The following MINDY3 variants were observed in gnomAD, a reference collection of about 807,000 sequenced individuals.
The protein encoded by MINDY3 is MINDY lysine 48 deubiquitinase 3.
MINDY3 carries 38 observed loss-of-function variants against 69.2 expected under a neutral mutation model. That is an observed-to-expected ratio of 0.55 (90% CI 0.42 to 0.72). MINDY3 has a LOEUF of 0.72. Among genes scored for constraint, MINDY3 ranks in the 30% least tolerant of loss-of-function variants. The probability of loss-of-function intolerance (pLI) is 0.00; values close to 1 mark genes in which losing one functional copy is unlikely to be tolerated. For missense variants in MINDY3, 522 were observed against 519.0 expected, an observed-to-expected ratio of 1.01 and a Z score of -0.06; for synonymous variants, 192 against 180.1, an observed-to-expected ratio of 1.07 and a Z score of -0.53.
intron 8 of MINDY3, among the ~76,000 whole-genome samples, chr10:15,827,319 A>C: frequency 6.6e-6 from 1 of 151,960 alleles, no homozygotes; most frequent in Non-Finnish European, 1.5e-5. Flanking sequence ...AGGTTGACGG[A>C]TCACCTGAGG....
chr10:15,852,478 T>A (rs768499208), intron 1 of MINDY3, among the ~76,000 whole-genome samples: 45 of 152,030 alleles, frequency 3.0e-4, no homozygotes, highest in Non-Finnish European at 5.9e-4. Context: ...ACAAAAATAA[T>A]GAAGTTGGGA....
Position 15,782,240 on chromosome 10 carries a change from A to C in MINDY3, c.1117-14T>G. On this transcript the variant is annotated splice_polypyrimidine_tract_variant and intron_variant, in intron 13 of 14. Transcript: ENST00000277632. The stretch of plus-strand genomic sequence containing the variant: ...ACCACTGGAGCCCTATTATAAATAA[A>C]GGACTATTAACACTTTAAATTATAT... 6.5e-7 allele frequency: 1 copy of C among 1,544,028 alleles called. No individual in the cohort carries two copies. The highest frequency in any genetic ancestry group is 8.9e-7 in the Non-Finnish European group (1 of 1,124,046).
chr10:15,842,701 C>A (rs151216907), intron 3 of MINDY3, among the ~76,000 whole-genome samples: 4 of 151,836 alleles, frequency 2.6e-5, no homozygotes, highest in East Asian at 3.9e-4. Flanking sequence ...TAAACTGTCA[C>A]GTGGAATGCA....
rs553609528 is a variant in MINDY3, at chr10:15,844,206, C to A, written c.175-934G>T. 2.0e-5 allele frequency among the ~76,000 whole-genome samples: 3 copies of A among 152,224 alleles called. No individual in the cohort carries two copies. The South Asian group carries it at 6.2e-4, about 32-fold the overall frequency. ...CACCAATAAACAATTCAAGGTGTTA[C>A]AACAAAAAACTAAGTCATATTCCAT... On this transcript the variant is annotated intron_variant, in intron 2 of 14. Coordinates refer to ENST00000277632, the MANE Select transcript of MINDY3 (RefSeq NM_024948.4).
chr10:15,810,031 T>C (rs1362290225), intron 10 of MINDY3, among the ~76,000 whole-genome samples: 4 of 152,170 alleles, frequency 2.6e-5, no homozygotes, highest in Admixed American at 6.6e-5. Flanking sequence ...TTAATGATGA[T>C]TCTCAAGTAA....
chr10:15,834,607 T>C lies in MINDY3; in HGVS notation c.586A>G (p.Asn196Asp), dbSNP rs1188911817. The change falls in exon 7 of 15, where the codon AAC (asparagine) becomes GAC (aspartate). Residue 196 changes from asparagine (N) to aspartate (D), a missense_variant. Transcript: ENST00000277632. Reference sequence around the variant, plus strand: ...GCATCTTCAATTTCGTTTTTTATGTTTTCAATGCCCTAAAGAAACAGAATT... The same window carrying C: ...GCATCTTCAATTTCGTTTTTTATGTCTTCAATGCCCTAAAGAAACAGAATT... ...YSVLLTKGIE[N>D]IKNEIEDASE... The C allele has an allele frequency of 1.2e-6, 2 of 1,608,424 alleles. No homozygotes were observed. The highest frequency in any genetic ancestry group is 8.5e-7 in the Non-Finnish European group (1 of 1,175,688).
Position 15,802,381 on chromosome 10 carries a change from C to T in MINDY3, c.883-6209G>A, listed in dbSNP as rs139420940. Among the ~76,000 whole-genome samples, 406 of 152,160 alleles carry T rather than the reference C, an allele frequency of 2.7e-3. 2 individuals are homozygous for T. In the East Asian group the frequency reaches 0.027, roughly 10 times the overall value. ...GGAAACTTATAATCATGCCAGACAG[C>T]GAAGGAGAAGCAAGCACCTTCTTCA... On this transcript the variant is annotated intron_variant, in intron 10 of 14. Coordinates refer to ENST00000277632, the MANE Select transcript of MINDY3 (RefSeq NM_024948.4).
intron 11 of MINDY3, among the ~76,000 whole-genome samples, chr10:15,790,549 A>T (rs1837329111): frequency 6.6e-6 from 1 of 152,092 alleles, no homozygotes; most frequent in Non-Finnish European, 1.5e-5. Context: ...GTTAAGTCAT[A>T]GCTAAAGGCT....
chr10:15,837,473 C>A, intron 5 of MINDY3, 155 bp from the exon 6 acceptor site: 1 of 1,385,498 alleles, frequency 7.2e-7, no homozygotes. Context: ...AATTTAGCCA[C>A]TAAAACCAAA....
chr10:15,851,733 A>G (rs1834314569), intron 1 of MINDY3, among the ~76,000 whole-genome samples: 1 of 152,048 alleles, frequency 6.6e-6, no homozygotes, highest in Non-Finnish European at 1.5e-5. Flanking sequence ...GTCCCCAACT[A>G]TTCACCACAC....
At chr10:15,784,266 T>C (rs1836780322) in intron 13 of MINDY3, among the ~76,000 whole-genome samples, 1 of 152,212 alleles carries the variant, frequency 6.6e-6, no homozygotes, top group African/African-American at 2.4e-5. Flanking sequence ...TTTAAACGAA[T>C]GGTCTTGAAA....
intron 10 of MINDY3, among the ~76,000 whole-genome samples, chr10:15,805,285 T>C (rs950727521): frequency 1.3e-5 from 2 of 152,182 alleles, no homozygotes; most frequent in Non-Finnish European, 2.9e-5. Flanking sequence ...TAAAGACCTT[T>C]TCAGTAATGA....
At chr10:15,804,609 ATAT>A (rs1191140448) in intron 10 of MINDY3, among the ~76,000 whole-genome samples, 1 of 152,200 alleles carries the variant, frequency 6.6e-6, no homozygotes, top group East Asian at 1.9e-4. Flanking sequence ...TGCAGACAAC[ATAT>A]TATAGTGTTT....
Position 15,837,317 on chromosome 10 carries a change from T to C in MINDY3, c.463A>G (p.Lys155Glu), listed in dbSNP as rs1588625472. The change falls in exon 6 of 15, where the codon AAA becomes GAA. Residue 155 changes from lysine (K) to glutamate (E), a missense_variant and splice_region_variant. Transcript: ENST00000277632. ...TCTGGTAAACTTCTGAACGATCTTT[T>C]TCTGGGGGAAAAAAAGAATTAAGTA... is the stretch of plus-strand genomic sequence containing the variant. ...GFERFHALIQ[K>E]RSFRSLPELK... The C allele has an allele frequency of 6.3e-7, 1 of 1,582,714 alleles. No individual in the cohort carries two copies. The highest frequency in any genetic ancestry group is 2.2e-5 in the East Asian group (1 of 44,506).
At chr10:15,796,056 CAT>C (rs749421381) in intron 11 of MINDY3, 42 bp downstream of exon 11, 1 of 1,388,116 alleles carries the variant, frequency 7.2e-7, no homozygotes, top group Non-Finnish European at 1.0e-6. Flanking sequence ...GTATTTCAAA[CAT>C]ATGAAGACAT....
intron 10 of MINDY3, among the ~76,000 whole-genome samples, chr10:15,796,481 A>C (rs1023170932): frequency 2.6e-5 from 4 of 151,808 alleles, no homozygotes; most frequent in Non-Finnish European, 5.9e-5. Flanking sequence ...AGCATGAAAA[A>C]AAAAAACAAA....
At chr10:15,830,515 T>TA (rs1840384625) in intron 8 of MINDY3, among the ~76,000 whole-genome samples, 1 of 152,246 alleles carries the variant, frequency 6.6e-6, no homozygotes, top group Non-Finnish European at 1.5e-5. Context: ...CACTGCCTCT[T>TA]ACACTACATG....
At chr10:15,830,221 A>T (rs759708324) in intron 8 of MINDY3, among the ~76,000 whole-genome samples, 1 of 152,180 alleles carries the variant, frequency 6.6e-6, no homozygotes, top group Non-Finnish European at 1.5e-5. Flanking sequence ...TCTCCCAGTT[A>T]ATTGTGATGT....
At chr10:15,802,158 C>G (rs569460032) in intron 10 of MINDY3, among the ~76,000 whole-genome samples, 16 of 151,938 alleles carry the variant, frequency 1.1e-4, no homozygotes, top group African/African-American at 3.9e-4. Flanking sequence ...TTGAGGGAGT[C>G]AAAAGTTGTA....
Sources: allele counts gnomAD v4.1 joint callset (sites outside exome capture counted in the v4.1 genomes callset), GRCh38; gene constraint gnomAD v4.1.1; transcripts MANE v1.5; gene names NCBI Gene and HGNC (gene_info 2026-07-23, HGNC 2026-07-21).